Variants in ARID5B observed in about 807,000 individuals in gnomAD.
The protein encoded by ARID5B is AT-rich interaction domain 5B.
In ARID5B, 13 loss-of-function variants were observed where a neutral mutation model predicts 97.2. The observed-to-expected ratio is 0.13, with a 90% confidence interval of 0.09 to 0.21. The LOEUF (loss-of-function observed/expected upper bound fraction) is 0.21. Among genes scored for constraint, ARID5B ranks in the 10% least tolerant of loss-of-function variants. The pLI is 1.00. For missense variants in ARID5B, 1,210 were observed against 1,465.3 expected (o/e 0.83, Z 2.84); for synonymous variants, 556 against 570.3 (o/e 0.97, Z 0.36).
chr10:61,966,778 C>T (rs1838551220), intron 3 of ARID5B, among the ~76,000 whole-genome samples: 1 of 152,138 alleles, frequency 6.6e-6, no homozygotes, highest in African/African-American at 2.4e-5. Flanking sequence ...ATCCCTGGTG[C>T]TTTCAACCTG....
At chr10:62,060,429 CAT>C (rs556015507) in intron 7 of ARID5B, among the ~76,000 whole-genome samples, 209 of 152,252 alleles carry the variant, frequency 1.4e-3, no homozygotes, top group African/African-American at 4.2e-3. Context: ...CGTATGTACA[CAT>C]GTTTATAAAG....
intron 3 of ARID5B, among the ~76,000 whole-genome samples, chr10:61,967,321 A>C (rs183757407): frequency 1.3e-5 from 2 of 152,352 alleles, no homozygotes; most frequent in East Asian, 3.9e-4. Flanking sequence ...AGTGTCTTAC[A>C]GGAAGAAGCT....
At chr10:62,054,032 T>C (rs1277225577) in intron 5 of ARID5B, among the ~76,000 whole-genome samples, 10 of 152,190 alleles carry the variant, frequency 6.6e-5, no homozygotes, top group Admixed American at 6.5e-4. Flanking sequence ...CTCAATCCCG[T>C]GGAAGGATGT....
chr10:61,941,699 T>A (rs538679048), intron 3 of ARID5B, among the ~76,000 whole-genome samples: 1 of 152,216 alleles, frequency 6.6e-6, no homozygotes, highest in Admixed American at 6.5e-5. Flanking sequence ...TGAGTTTAAC[T>A]ATCAACGGTT....
At chr10:62,049,847 T>C (rs1391286019) in intron 4 of ARID5B, among the ~76,000 whole-genome samples, 1 of 152,226 alleles carries the variant, frequency 6.6e-6, no homozygotes, top group Non-Finnish European at 1.5e-5. Context: ...TTGTTTAGAT[T>C]TGACATTGTC....
At chr10:61,907,652 C>A (rs952993967) in intron 2 of ARID5B, among the ~76,000 whole-genome samples, 3 of 152,242 alleles carry the variant, frequency 2.0e-5, no homozygotes, top group African/African-American at 4.8e-5. Context: ...ACCAAGCAGG[C>A]CTTTTAGAAC....
intron 7 of ARID5B, among the ~76,000 whole-genome samples, chr10:62,064,690 T>C (rs1447120659): frequency 1.3e-5 from 2 of 152,104 alleles, no homozygotes; most frequent in African/African-American, 4.8e-5. Context: ...GTGGGCAGTG[T>C]GGAGAGTTAC....
intron 3 of ARID5B, among the ~76,000 whole-genome samples, chr10:61,956,112 C>T (rs1838387941): frequency 6.6e-6 from 1 of 152,142 alleles, no homozygotes; most frequent in Admixed American, 6.6e-5. Flanking sequence ...GTCCCCAATC[C>T]CCGGGCTGTG....
At chr10:62,071,336 A>C (rs1488546862) in intron 8 of ARID5B, among the ~76,000 whole-genome samples, 4 of 152,120 alleles carry the variant, frequency 2.6e-5, no homozygotes, top group Non-Finnish European at 2.9e-5. Context: ...ACCCAGCCAG[A>C]ACATTTTTAC....
intron 5 of ARID5B, among the ~76,000 whole-genome samples, chr10:62,053,082 G>A (rs1466511044): frequency 1.3e-5 from 2 of 152,208 alleles, no homozygotes; most frequent in African/African-American, 2.4e-5. Flanking sequence ...GATGAGGACA[G>A]TCATTAAAAA....
In ARID5B at chr10:62,069,799, T is replaced by TA. The variant is rs764552545; in HGVS notation, c.1199+4dup. ...TTGTACCCGCAGACATTATGAAAGG[T>TA]AAGAAACCATTTCATGGAATTGCTT... On this transcript the variant is annotated splice_region_variant and intron_variant, in intron 8 of 9. Coordinates refer to ENST00000279873, the MANE Select transcript of ARID5B (RefSeq NM_032199.3). 6.2e-7 allele frequency: 1 copy of TA among 1,613,268 alleles called. No individual in the cohort carries two copies. The highest frequency in any genetic ancestry group is 8.5e-7 in the Non-Finnish European group (1 of 1,179,230).
chr10:62,024,335 C>T (rs1839392904), intron 4 of ARID5B, among the ~76,000 whole-genome samples: 2 of 152,212 alleles, frequency 1.3e-5, no homozygotes, highest in South Asian at 4.1e-4. Context: ...TTGACTAATA[C>T]AACACCTGTT....
At chr10:61,904,185 C>A (rs937335700) in intron 2 of ARID5B, among the ~76,000 whole-genome samples, 1 of 151,470 alleles carries the variant, frequency 6.6e-6, no homozygotes, top group Non-Finnish European at 1.5e-5. Flanking sequence ...GATTAAATAT[C>A]CAGAAAAGAA....
chr10:62,000,644 G>A lies in ARID5B; in HGVS notation c.733+323G>A, dbSNP rs1839065645. Among the ~76,000 whole-genome samples the A allele has an allele frequency of 6.6e-6, 1 of 152,122 alleles. No individual in the cohort carries two copies. The highest frequency in any genetic ancestry group is 2.1e-4 in the South Asian group (1 of 4,824). Reference sequence around the variant, plus strand: ...CTCAAAAGGCTTTGTCTATTCAAATGCTTTTTTATTTAACTAGTCACTCTC... The same window carrying A: ...CTCAAAAGGCTTTGTCTATTCAAATACTTTTTTATTTAACTAGTCACTCTC... On this transcript the variant is annotated intron_variant, in intron 4 of 9. Transcript: ENST00000279873. This position sits in a 1 kb window ranked among gnomAD's most constrained non-coding sequence, Gnocchi z 4.4.
chr10:62,024,146 C>A (rs575730266), intron 4 of ARID5B, among the ~76,000 whole-genome samples: 1 of 152,112 alleles, frequency 6.6e-6, no homozygotes, highest in Admixed American at 6.5e-5. Context: ...TTAGGGATAA[C>A]TTATTATGTA....
intron 4 of ARID5B, among the ~76,000 whole-genome samples, chr10:62,011,897 C>G (rs551915492): frequency 6.6e-6 from 1 of 151,996 alleles, no homozygotes; most frequent in Admixed American, 6.6e-5. Flanking sequence ...CTGAAGGGCA[C>G]GGCATCACAG....
chr10:61,956,800 C>T (rs1393266115), intron 3 of ARID5B, among the ~76,000 whole-genome samples: 1 of 152,192 alleles, frequency 6.6e-6, no homozygotes, highest in African/African-American at 2.4e-5. Context: ...TTATATAACA[C>T]ACATAAAAAT....
chr10:62,009,723 G>C (rs935018235), intron 4 of ARID5B, among the ~76,000 whole-genome samples: 7 of 152,162 alleles, frequency 4.6e-5, no homozygotes, highest in African/African-American at 1.7e-4. Flanking sequence ...CTTTGTCCAT[G>C]GGAAAGTTTG....
At chr10:62,056,381 T>G (rs1469764017) in intron 5 of ARID5B, among the ~76,000 whole-genome samples, 1 of 152,138 alleles carries the variant, frequency 6.6e-6, no homozygotes, top group African/African-American at 2.4e-5. Flanking sequence ...AACAGTGAGA[T>G]CTTTTGTTTC....
Sources: allele counts gnomAD v4.1 joint callset (sites outside exome capture counted in the v4.1 genomes callset), GRCh38; gene constraint gnomAD v4.1.1; non-coding constraint Gnocchi (gnomAD v3.1); transcripts MANE v1.5; gene names NCBI Gene and HGNC (gene_info 2026-07-23, HGNC 2026-07-21).